The following GALNT13 variants were observed in gnomAD, a reference collection of about 807,000 sequenced individuals.
The protein encoded by GALNT13 is polypeptide N-acetylgalactosaminyltransferase 13, also known as UDP-GalNAc:polypeptide N-acetylgalactosaminyltransferase 13.
A neutral mutation model predicts 64.2 loss-of-function variants in GALNT13; 28 were observed. The ratio of observed to expected loss-of-function variants is 0.44; its 90% confidence interval spans 0.32 to 0.60. The LOEUF is 0.60. Ranked by LOEUF, GALNT13 falls within the 20% of genes least tolerant of loss-of-function variation. GALNT13 has a pLI of 0.05. For missense variants in GALNT13, 577 were observed against 669.8 expected (o/e 0.86, Z 1.53); for synonymous variants, 214 against 224.6 (o/e 0.95, Z 0.42).
At chr2:153,926,937 T>C (rs1456315047) in intron 2 of GALNT13, among the ~76,000 whole-genome samples, 1 of 152,122 alleles carries the variant, frequency 6.6e-6, no homozygotes, top group Non-Finnish European at 1.5e-5. Flanking sequence ...TTCCCACATT[T>C]ACACGTTTTT....
At chr2:153,970,123 T>G (rs1204026692) in intron 3 of GALNT13, among the ~76,000 whole-genome samples, 1 of 152,216 alleles carries the variant, frequency 6.6e-6, no homozygotes, top group Non-Finnish European at 1.5e-5. Context: ...CAGAATCATC[T>G]TGACAAAATT....
At chr2:153,466,863 C>T in the GALNT13 span, among the ~76,000 whole-genome samples, 1 of 151,936 alleles carries the variant, frequency 6.6e-6, no homozygotes, top group Non-Finnish European at 1.5e-5. Context: ...CATATTATCC[C>T]TCTGCACTCC....
the GALNT13 span, among the ~76,000 whole-genome samples, chr2:153,656,786 G>A: frequency 3.0e-4 from 46 of 152,222 alleles, no homozygotes; most frequent in African/African-American, 1.1e-3. Context: ...CTGAGCAGGA[G>A]AACCGGGGCA....
intron 8 of GALNT13, among the ~76,000 whole-genome samples, chr2:154,272,561 C>A (rs941656646): frequency 6.6e-6 from 1 of 151,950 alleles, no homozygotes; most frequent in Non-Finnish European, 1.5e-5. Context: ...TTAAATTCAG[C>A]GGTTTGAATT....
At chr2:154,283,827 G>A (rs1174568167) in intron 8 of GALNT13, among the ~76,000 whole-genome samples, 1 of 152,052 alleles carries the variant, frequency 6.6e-6, no homozygotes, top group East Asian at 1.9e-4. Flanking sequence ...GTGATATAGA[G>A]GTAGGTAGAT....
chr2:153,718,661 A>G, the GALNT13 span, among the ~76,000 whole-genome samples: 2 of 152,036 alleles, frequency 1.3e-5, no homozygotes, highest in Non-Finnish European at 2.9e-5. Context: ...GTCAGGACGG[A>G]GCATTAGAAG....
the GALNT13 span, among the ~76,000 whole-genome samples, chr2:153,288,263 CT>C: frequency 6.6e-6 from 1 of 152,068 alleles, no homozygotes; most frequent in African/African-American, 2.4e-5. Context: ...AGAATGTGCC[CT>C]ATATGTGTGT....
chr2:153,137,026 TA>T, the GALNT13 span, among the ~76,000 whole-genome samples: 2 of 152,084 alleles, frequency 1.3e-5, no homozygotes, highest in East Asian at 1.9e-4. Context: ...GGAAAAGTCC[TA>T]AAAAAACTAC....
chr2:153,425,703 A>G, the GALNT13 span, among the ~76,000 whole-genome samples: 1 of 151,830 alleles, frequency 6.6e-6, no homozygotes, highest in Non-Finnish European at 1.5e-5. Context: ...GTAAAAAGTA[A>G]ATAGTTATTC....
At chr2:153,942,174 C>T (rs1432860433) in intron 2 of GALNT13, among the ~76,000 whole-genome samples, 1 of 152,020 alleles carries the variant, frequency 6.6e-6, no homozygotes, top group East Asian at 1.9e-4. Context: ...GATTAAGCCT[C>T]ACAATATTTT....
At chr2:153,254,625 C>T in the GALNT13 span, among the ~76,000 whole-genome samples, 7 of 151,688 alleles carry the variant, frequency 4.6e-5, no homozygotes, top group Admixed American at 6.6e-5. Context: ...AATTTCCCTC[C>T]ACACACTGCT....
chr2:154,020,055 T>C (rs1177558400), intron 3 of GALNT13, among the ~76,000 whole-genome samples: 1 of 152,212 alleles, frequency 6.6e-6, no homozygotes, highest in Non-Finnish European at 1.5e-5. Context: ...GGCTGCATAG[T>C]ATTCCATGGT....
the GALNT13 span, among the ~76,000 whole-genome samples, chr2:153,574,360 A>G: frequency 2.6e-5 from 4 of 152,062 alleles, no homozygotes; most frequent in African/African-American, 9.7e-5. Context: ...TTGGTGTTCT[A>G]TAACCTTCTT....
At chr2:153,982,670 C>T (rs1694543397) in intron 3 of GALNT13, among the ~76,000 whole-genome samples, 8 of 151,990 alleles carry the variant, frequency 5.3e-5, no homozygotes. Context: ...TTTCCTTTAA[C>T]AAGCACCGTG....
the GALNT13 span, among the ~76,000 whole-genome samples, chr2:153,168,641 A>G: frequency 9.2e-5 from 14 of 152,190 alleles, no homozygotes; most frequent in African/African-American, 3.4e-4. Flanking sequence ...AATTGATTGT[A>G]TGCCCTTGGA....
chr2:153,758,757 A>C, the GALNT13 span, among the ~76,000 whole-genome samples: 9 of 152,104 alleles, frequency 5.9e-5, no homozygotes, highest in African/African-American at 2.2e-4. Context: ...GCACCCAGCT[A>C]ATTTTTTGTT....
At chr2:153,398,817 A>C in the GALNT13 span, among the ~76,000 whole-genome samples, 1 of 137,882 alleles carries the variant, frequency 7.3e-6, no homozygotes, top group Non-Finnish European at 1.6e-5. Flanking sequence ...TAGATTCTGG[A>C]TATTAGCCCT....
intron 4 of GALNT13, among the ~76,000 whole-genome samples, chr2:154,158,357 A>G (rs1684543891): frequency 6.6e-6 from 1 of 152,140 alleles, no homozygotes; most frequent in Non-Finnish European, 1.5e-5. Flanking sequence ...CTGACTCATC[A>G]TCTCATTAAA....
intron 9 of GALNT13, among the ~76,000 whole-genome samples, chr2:154,331,515 AG>A (rs1171308548): frequency 6.6e-6 from 1 of 151,846 alleles, no homozygotes; most frequent in Non-Finnish European, 1.5e-5. Context: ...CATGTTGCTC[AG>A]GCTGGTCTCA....
Sources: allele counts gnomAD v4.1 joint callset (sites outside exome capture counted in the v4.1 genomes callset), GRCh38; gene constraint gnomAD v4.1.1; transcripts MANE v1.5; gene names NCBI Gene and HGNC (gene_info 2026-07-23, HGNC 2026-07-21).